Variants in FILIP1 observed in about 807,000 individuals in gnomAD.
FILIP1 encodes the protein filamin A interacting protein 1.
FILIP1 carries 61 observed loss-of-function variants against 102.1 expected under a neutral mutation model. The ratio of observed to expected loss-of-function variants is 0.60; its 90% CI spans 0.49 to 0.74. FILIP1 has a LOEUF of 0.74. Among genes scored for constraint, FILIP1 ranks in the 30% least tolerant of loss-of-function variants. The probability of loss-of-function intolerance (pLI) is 0.00; values close to 1 mark genes in which losing one functional copy is unlikely to be tolerated. For synonymous variants in FILIP1, 491 were observed against 526.9 expected (o/e 0.93, Z 0.93); for missense variants, 1,314 against 1,441.2 (o/e 0.91, Z 1.43).
At chr6:75,477,508 A>G (rs1247360734) in intron 1 of FILIP1, among the ~76,000 whole-genome samples, 3 of 152,160 alleles carry the variant, frequency 2.0e-5, no homozygotes, top group African/African-American at 7.2e-5. Context: ...ATATCAAAAC[A>G]TCACATTATA....
chr6:75,440,876 G>T (rs1562602030), intron 1 of FILIP1, among the ~76,000 whole-genome samples: 3 of 151,122 alleles, frequency 2.0e-5, no homozygotes, highest in Admixed American at 6.6e-5. Flanking sequence ...TTGAACCTGG[G>T]AAGTGGAGGT....
In FILIP1 at chr6:75,308,676, C is replaced by T. The variant is rs753590213; in HGVS notation, c.*15G>A. ...GCAGTAGCATCTGCACAACATACCC[C>T]CTTAGCCACTGCCCTCAGCCCTTCC... On this transcript the variant is annotated 3_prime_UTR_variant, in exon 6 of 6. Coordinates refer to ENST00000237172, the MANE Select transcript of FILIP1 (RefSeq NM_015687.5). 1.9e-6 allele frequency: 3 copies of T among 1,612,146 alleles called. No individual in the cohort carries two copies. Among genetic ancestry groups the T allele is most frequent in the South Asian group, 1.1e-5 (1 of 90,980 alleles).
intron 5 of FILIP1, among the ~76,000 whole-genome samples, chr6:75,309,360 A>C (rs1027010037): frequency 2.0e-5 from 3 of 152,070 alleles, no homozygotes; most frequent in African/African-American, 4.8e-5. Flanking sequence ...CCTCCTTTTT[A>C]AAGTGCTCCT....
At chr6:75,319,830 C>CAAAA in intron 4 of FILIP1, 25 of 334,674 alleles carry the variant, frequency 7.5e-5, no homozygotes, top group South Asian at 3.1e-4. Context: ...ACTCCGTCCC[C>CAAAA]CAAAAAAAAA....
chr6:75,301,513 A>G (rs980762577), intron 6 of FILIP1, among the ~76,000 whole-genome samples: 1 of 152,112 alleles, frequency 6.6e-6, no homozygotes, highest in Non-Finnish European at 1.5e-5. Context: ...TTGATCTCTA[A>G]GGTCTATTTC....
chr6:75,343,069 C>G (rs1353111838), intron 4 of FILIP1, among the ~76,000 whole-genome samples: 4 of 152,050 alleles, frequency 2.6e-5, no homozygotes, highest in African/African-American at 7.2e-5. Flanking sequence ...CAAATGAGGT[C>G]ATAAGGTTGG....
intron 3 of FILIP1, among the ~76,000 whole-genome samples, chr6:75,355,843 C>A (rs2149604939): frequency 6.6e-6 from 1 of 152,298 alleles, no homozygotes; most frequent in African/African-American, 2.4e-5. Context: ...TGATATTTCC[C>A]TATCCTACTC....
chr6:75,295,883 C>G, exon 7 of FILIP1: 1 of 1,411,866 alleles, frequency 7.1e-7, no homozygotes, highest in Non-Finnish European at 9.2e-7. Context: ...GTCGTACACA[C>G]ACCCAGTATG....
intron 2 of FILIP1, among the ~76,000 whole-genome samples, chr6:75,390,916 T>C (rs1171074704): frequency 1.3e-5 from 2 of 152,180 alleles, no homozygotes; most frequent in African/African-American, 4.8e-5. Flanking sequence ...TCTGATGTTC[T>C]GACTTCCCAG....
intron 1 of FILIP1, among the ~76,000 whole-genome samples, chr6:75,421,099 G>C (rs1050803859): frequency 6.6e-6 from 1 of 152,122 alleles, no homozygotes; most frequent in African/African-American, 2.4e-5. Context: ...TTTCATGATA[G>C]TAACGTGCAC....
At chr6:75,367,267 A>G (rs1376157747) in intron 2 of FILIP1, 2 of 152,244 alleles carry the variant, frequency 1.3e-5, no homozygotes. Context: ...CTATGGTGAT[A>G]TAATACATTG....
At chr6:75,457,622 C>T (rs1402492556) in intron 1 of FILIP1, among the ~76,000 whole-genome samples, 2 of 151,788 alleles carry the variant, frequency 1.3e-5, no homozygotes, top group South Asian at 2.1e-4. Context: ...GTCTCTCTCT[C>T]TCTCTCTCTC....
chr6:75,485,785 T>C (rs1335142099), intron 1 of FILIP1, among the ~76,000 whole-genome samples: 1 of 152,084 alleles, frequency 6.6e-6, no homozygotes, highest in Non-Finnish European at 1.5e-5. Context: ...AGTAGCAAAA[T>C]GGCTGAAAAG....
chr6:75,309,404 T>G (rs1167903273), intron 5 of FILIP1, among the ~76,000 whole-genome samples: 1 of 152,226 alleles, frequency 6.6e-6, no homozygotes, highest in Non-Finnish European at 1.5e-5. Context: ...TAGGACAGAC[T>G]CATCAATTCA....
In FILIP1 at chr6:75,485,982, CACACACACACACACAT is replaced by C. The variant is rs1417226385; in HGVS notation, c.-7+7416_-7+7431del. On this transcript the variant is annotated intron_variant, in intron 1 of 5. Transcript: ENST00000237172. ...CTTCTGACCAAAACACACACACACA[CACACACACACACACAT>C]ACACACACACACACACACACACTCC... is the stretch of plus-strand genomic sequence containing the variant. 9.0e-4 allele frequency among the ~76,000 whole-genome samples: 124 copies of C among 137,130 alleles called. 1 individual carries two copies. The highest frequency in any genetic ancestry group is 2.9e-3 in the African/African-American group (92 of 31,684). The allele number at this position is 137,130 out of a possible 152,430, so 90.0% of individuals were successfully genotyped here.
chr6:75,463,266 A>G (rs1404141537), intron 1 of FILIP1, among the ~76,000 whole-genome samples: 3 of 152,176 alleles, frequency 2.0e-5, no homozygotes, highest in Non-Finnish European at 4.4e-5. Flanking sequence ...GAAAGAAAAA[A>G]TTTCATATAT....
At chr6:75,435,932 G>C (rs975385438) in intron 1 of FILIP1, among the ~76,000 whole-genome samples, 2 of 152,136 alleles carry the variant, frequency 1.3e-5, no homozygotes, top group Non-Finnish European at 2.9e-5. Context: ...TAGTACAGTA[G>C]ATTCCAGCTA....
chr6:75,414,681 G>C lies in FILIP1; in HGVS notation c.276+16C>G. ...AAACCAAAGACACAATAACAGTTGG[G>C]AAAGTTTGACTCTACCTGCAACTCC... On this transcript the variant is annotated intron_variant, in intron 2 of 5. Transcript: ENST00000237172. 4 of 1,605,602 alleles carry C rather than the reference G, an allele frequency of 2.5e-6. No individual in the cohort carries two copies. The highest frequency in any genetic ancestry group is 3.4e-6 in the Non-Finnish European group (4 of 1,175,450).
At chr6:75,323,448 AT>A (rs1353106656) in intron 4 of FILIP1, among the ~76,000 whole-genome samples, 1 of 152,244 alleles carries the variant, frequency 6.6e-6, no homozygotes, top group African/African-American at 2.4e-5. Context: ...TTGTAAACAA[AT>A]ATTACTAGCG....
Sources: gnomAD v4.1 joint callset for allele counts (sites outside exome capture counted in the v4.1 genomes callset) on GRCh38, gnomAD v4.1.1 for gene constraint, MANE v1.5 for transcripts, NCBI Gene and HGNC (gene_info 2026-07-23, HGNC 2026-07-21) for gene names.